Variants in TBC1D9 observed in about 807,000 individuals in gnomAD.
TBC1D9 encodes TBC1 domain family member 9A.
TBC1D9 carries 63 observed loss-of-function variants against 132.0 expected under a neutral mutation model. That is an observed-to-expected ratio of 0.48 (90% CI 0.39 to 0.59). The LOEUF (loss-of-function observed/expected upper bound fraction) is 0.59, where lower values mean the gene tolerates loss of function less well. Ranked by LOEUF, TBC1D9 falls within the 20% of genes least tolerant of loss-of-function variation. The pLI, the probability that TBC1D9 is intolerant of heterozygous loss-of-function variation, is 0.00. For synonymous variants in TBC1D9, 610 were observed against 609.9 expected (o/e 1.00, Z 0.00); for missense variants, 1,261 against 1,592.7 (o/e 0.79, Z 3.54).
At chr4:140,750,641 A>C (rs1359020328) in intron 1 of TBC1D9, among the ~76,000 whole-genome samples, 3 of 152,136 alleles carry the variant, frequency 2.0e-5, no homozygotes, top group African/African-American at 7.2e-5. Context: ...ACTTGTAAAG[A>C]TCTAAATAAA....
Position 140,622,922 on chromosome 4 carries a change from A to G in TBC1D9, c.3079-5T>C. The G allele has an allele frequency of 6.6e-7, 1 of 1,512,202 alleles. No homozygotes were observed. 93.7% of individuals were successfully genotyped at this position (1,512,202 alleles called of 1,614,324 possible). Reference sequence around the variant, plus strand: ...ACACAGTTCAATGAACTGCCCCTGAAAAGCGATTTGGAAAAACACAATGTG... The same window carrying G: ...ACACAGTTCAATGAACTGCCCCTGAGAAGCGATTTGGAAAAACACAATGTG... On this transcript the variant is annotated splice_polypyrimidine_tract_variant and splice_region_variant and intron_variant, in intron 20 of 20. Coordinates refer to ENST00000442267, the MANE Select transcript of TBC1D9 (RefSeq NM_015130.3).
At chr4:140,707,108 C>T (rs1487651533) in intron 1 of TBC1D9, among the ~76,000 whole-genome samples, 1 of 134,620 alleles carries the variant, frequency 7.4e-6, no homozygotes, top group Non-Finnish European at 1.5e-5. Context: ...CATAATATCT[C>T]CAATACTTAG....
At chr4:140,740,176 G>A (rs1224898393) in intron 1 of TBC1D9, among the ~76,000 whole-genome samples, 1 of 152,182 alleles carries the variant, frequency 6.6e-6, no homozygotes, top group Non-Finnish European at 1.5e-5. Context: ...TCCAGAGGCT[G>A]AGTCATACAA....
At chr4:140,632,138 T>C (rs1560866270) in intron 16 of TBC1D9, among the ~76,000 whole-genome samples, 1 of 152,238 alleles carries the variant, frequency 6.6e-6, no homozygotes, top group Admixed American at 6.5e-5. Context: ...TCTTGAAGAT[T>C]TTCAAAAGCA....
Position 140,756,177 on chromosome 4 carries a change from G to T in TBC1D9, c.-132C>A. On this transcript the variant is annotated 5_prime_UTR_variant, in exon 1 of 21. Transcript: ENST00000442267. This position sits in a 1 kb window ranked among gnomAD's most constrained non-coding sequence, Gnocchi z 5.6. Reference sequence around the variant, plus strand: ...TCCGCTAGGTGCGGCGGCGGCGGCGGCAGGCGACTTCAGGGGGTGGCCCGC... The same window carrying T: ...TCCGCTAGGTGCGGCGGCGGCGGCGTCAGGCGACTTCAGGGGGTGGCCCGC... 8.0e-6 allele frequency: 5 copies of T among 628,522 alleles called. No homozygotes were observed. In the South Asian group the frequency reaches 2.0e-4, roughly 25 times the overall value. The allele number at this position is 628,522 out of a possible 1,614,324, so 38.9% of individuals were successfully genotyped here. A position where few individuals can be genotyped will look rare whatever the true frequency, so the allele number is the denominator to read the frequency against.
At chr4:140,738,965 C>T (rs192767669) in intron 1 of TBC1D9, among the ~76,000 whole-genome samples, 6 of 152,318 alleles carry the variant, frequency 3.9e-5, no homozygotes, top group Admixed American at 3.9e-4. Flanking sequence ...GGTACAGCCT[C>T]ACTCTACTAG....
chr4:140,698,636 G>T (rs1738013870), intron 2 of TBC1D9, among the ~76,000 whole-genome samples: 1 of 151,866 alleles, frequency 6.6e-6, no homozygotes, highest in Non-Finnish European at 1.5e-5. Context: ...TACTCAGGAG[G>T]CTGAGTCAGG....
rs536330432 is a variant in TBC1D9 at position 140,631,367 on chromosome 4, C to A, written c.2746+2581G>T. Among the ~76,000 whole-genome samples, 4 of 151,600 alleles carry A rather than the reference C, an allele frequency of 2.6e-5. No homozygotes were observed. The East Asian group carries it at 7.9e-4, about 30-fold the overall frequency. ...CCTCCCAAGTAGCTGGGACTACAGG[C>A]GCCCACCAGTACGCCCGGCTAATTT... On this transcript the variant is annotated intron_variant, in intron 16 of 20. Coordinates refer to ENST00000442267, the MANE Select transcript of TBC1D9 (RefSeq NM_015130.3).
chr4:140,749,293 C>A (rs767466775), intron 1 of TBC1D9, among the ~76,000 whole-genome samples: 14 of 151,606 alleles, frequency 9.2e-5, no homozygotes, highest in Non-Finnish European at 1.9e-4. Context: ...AGAATAACCA[C>A]TAAAAGAATA....
At chr4:140,632,224 AC>A (rs1301783101) in intron 16 of TBC1D9, among the ~76,000 whole-genome samples, 1 of 149,018 alleles carries the variant, frequency 6.7e-6, no homozygotes, top group African/African-American at 2.5e-5. Context: ...TACATGTAGA[AC>A]CCGTCTCTTT....
chr4:140,638,623 G>T (rs185433006), intron 15 of TBC1D9, among the ~76,000 whole-genome samples: 3 of 151,914 alleles, frequency 2.0e-5, no homozygotes, highest in Admixed American at 2.0e-4. Context: ...TCTCAAAAAA[G>T]AATAAAAATA....
chr4:140,666,857 A>C (rs1427194199), intron 9 of TBC1D9, among the ~76,000 whole-genome samples: 1 of 152,186 alleles, frequency 6.6e-6, no homozygotes, highest in Non-Finnish European at 1.5e-5. Context: ...TCAACATTTC[A>C]TAATTCAGAA....
intron 18 of TBC1D9, among the ~76,000 whole-genome samples, chr4:140,625,941 C>T (rs1441449808): frequency 6.6e-6 from 1 of 152,136 alleles, no homozygotes; most frequent in Admixed American, 6.5e-5. Context: ...TTACCCGTAC[C>T]TGAAACATTT....
At chr4:140,753,697 G>C (rs1048107746) in intron 1 of TBC1D9, among the ~76,000 whole-genome samples, 2 of 152,170 alleles carry the variant, frequency 1.3e-5, no homozygotes, top group African/African-American at 4.8e-5. Context: ...GGACTCTGTA[G>C]AGTGGCAATT....
intron 2 of TBC1D9, among the ~76,000 whole-genome samples, chr4:140,693,190 T>G (rs1343626790): frequency 6.6e-6 from 1 of 152,198 alleles, no homozygotes; most frequent in Non-Finnish European, 1.5e-5. Flanking sequence ...CTCAAACTCC[T>G]GGGCTCAAGT....
At chr4:140,671,417 T>C (rs1469224472) in intron 6 of TBC1D9, among the ~76,000 whole-genome samples, 1 of 152,222 alleles carries the variant, frequency 6.6e-6, no homozygotes, top group Non-Finnish European at 1.5e-5. Flanking sequence ...TAAAATTTCA[T>C]GGAGCTATAA....
At position 140,701,382 on chromosome 4, in the gene TBC1D9, T is replaced by C; in HGVS notation, c.241+122A>G. 4.2e-6 allele frequency: 3 copies of C among 719,764 alleles called. 1 individual carries two copies. The highest frequency in any genetic ancestry group is 7.1e-6 in the Non-Finnish European group (3 of 424,092). The allele number at this position is 719,764 out of a possible 1,614,324, so 44.6% of individuals were successfully genotyped here. On this transcript the variant is annotated intron_variant, in intron 2 of 20. Transcript: ENST00000442267. ...GGTTCATGTGTTGAAATGGCTACGG[T>C]TAATTACCCTAAAATACCAGTGATT...
chr4:140,644,123 T>A, intron 13 of TBC1D9: 1 of 376,794 alleles, frequency 2.7e-6, no homozygotes, highest in African/African-American at 2.1e-5. Flanking sequence ...CGGCGGCCAC[T>A]GTGGGCTGCC....
chr4:140,732,564 T>A (rs1738610862), intron 1 of TBC1D9, among the ~76,000 whole-genome samples: 1 of 152,246 alleles, frequency 6.6e-6, no homozygotes, highest in South Asian at 2.1e-4. Flanking sequence ...GCTCAGTTCT[T>A]TCTTCCTCTC....
Sources: gnomAD v4.1 joint callset for allele counts (sites outside exome capture counted in the v4.1 genomes callset) on GRCh38, gnomAD v4.1.1 for gene constraint, Gnocchi (gnomAD v3.1) non-coding constraint, MANE v1.5 for transcripts, NCBI Gene and HGNC (gene_info 2026-07-23, HGNC 2026-07-21) for gene names.